Variants in CEP89 observed in about 807,000 individuals in gnomAD.
CEP89 encodes centrosomal protein 89, also known as centrosomal protein of 89 kDa.
Under a neutral mutation model 97.6 loss-of-function variants are expected in CEP89, and 95 were observed. The observed-to-expected ratio is 0.97, with a 90% CI of 0.82 to 1.15. The LOEUF is 1.15. Among genes scored for constraint, CEP89 ranks in the 50% most tolerant of loss-of-function variants. The pLI is 0.00. For synonymous variants in CEP89, 354 were observed against 349.1 expected (o/e 1.01, Z -0.16); for missense variants, 869 against 947.7 (o/e 0.92, Z 1.09).
chr19:32,956,342 C>A (rs796266221), intron 3 of CEP89, among the ~76,000 whole-genome samples: 14 of 151,724 alleles, frequency 9.2e-5, no homozygotes, highest in African/African-American at 2.9e-4. Context: ...GCGTGAGCCA[C>A]CGCACCCGGC....
rs770609431 is a variant in CEP89 at position 32,881,941 on chromosome 19, C to T, written c.2038G>A (p.Ala680Thr). The T allele has an allele frequency of 3.3e-5, 52 of 1,598,884 alleles. No individual in the cohort carries two copies. The highest frequency in any genetic ancestry group is 3.9e-5 in the Non-Finnish European group (46 of 1,173,718). The change falls in exon 18 of 19, where the codon GCC becomes ACC. Residue 680 changes from alanine (A) to threonine (T), a missense_variant. Transcript: ENST00000305768. ...HRLLEQQEDFAGKTAQYRQEM... is the reference protein window; with the variant it reads ...HRLLEQQEDFTGKTAQYRQEM... Reference sequence around the variant, plus strand: ...TGCCGGTACTGGGCTGTCTTGCCGGCGAAGTCCTCCTGCTGCTCCAGCAGA... The same window carrying T: ...TGCCGGTACTGGGCTGTCTTGCCGGTGAAGTCCTCCTGCTGCTCCAGCAGA...
chr19:32,888,570 C>T (rs1969447412), intron 16 of CEP89, among the ~76,000 whole-genome samples: 1 of 151,748 alleles, frequency 6.6e-6, no homozygotes, highest in Admixed American at 6.6e-5. Context: ...GTAGTCTCAG[C>T]TACTCAAGAG....
chr19:32,917,108 G>A (rs1970143383), intron 13 of CEP89, among the ~76,000 whole-genome samples: 2 of 152,154 alleles, frequency 1.3e-5, no homozygotes, highest in Admixed American at 1.3e-4. Context: ...AGGTCAAAAG[G>A]TTTTCCCTGC....
intron 11 of CEP89, among the ~76,000 whole-genome samples, 174 bp from the exon 12 acceptor site, chr19:32,923,716 G>A (rs866715007): frequency 6.6e-6 from 1 of 152,128 alleles, no homozygotes; most frequent in Non-Finnish European, 1.5e-5. Context: ...CTCTCAGGGA[G>A]CTTACGGTCT....
intron 16 of CEP89, among the ~76,000 whole-genome samples, chr19:32,896,683 G>C (rs1226153375): frequency 6.6e-6 from 1 of 151,836 alleles, no homozygotes; most frequent in African/African-American, 2.4e-5. Context: ...GAGACAACCT[G>C]TTGAATGAGA....
chr19:32,900,441 T>A (rs532980614), intron 15 of CEP89, among the ~76,000 whole-genome samples: 7 of 152,004 alleles, frequency 4.6e-5, no homozygotes, highest in African/African-American at 1.7e-4. Context: ...ATATATATTT[T>A]TTTAAGTAGC....
intron 10 of CEP89, 92 bp downstream of exon 10, chr19:32,926,842 A>C (rs1223461814): frequency 3.4e-5 from 37 of 1,100,260 alleles, no homozygotes; most frequent in Non-Finnish European, 4.9e-5. Context: ...GATTACAGAC[A>C]TGAGCCACCG....
intron 12 of CEP89, among the ~76,000 whole-genome samples, chr19:32,920,470 TTTTATTTA>T (rs753390437): frequency 1.3e-5 from 2 of 151,908 alleles, no homozygotes; most frequent in Non-Finnish European, 2.9e-5. Flanking sequence ...TCTTATTTTG[TTTTATTTA>T]TTTATTTATT....
chr19:32,969,174 C>T (rs1033007718), intron 1 of CEP89: 3 of 152,218 alleles, frequency 2.0e-5, no homozygotes, highest in South Asian at 2.1e-4. Context: ...AGCTGGTCAC[C>T]CCACCGTCTC....
At chr19:32,901,961 T>C (rs544879317) in intron 14 of CEP89, among the ~76,000 whole-genome samples, 1 of 150,474 alleles carries the variant, frequency 6.6e-6, no homozygotes, top group Non-Finnish European at 1.5e-5. Context: ...AACCTCTTTT[T>C]CTCCCACAGT....
intron 4 of CEP89, 126 bp from the exon 5 acceptor site, chr19:32,948,494 T>C: frequency 1.8e-6 from 1 of 552,370 alleles, no homozygotes; most frequent in East Asian, 2.8e-5. Context: ...CATGGGCACT[T>C]CAGCTGCTTT....
chr19:32,925,167 TC>T (rs1018445887), intron 11 of CEP89, among the ~76,000 whole-genome samples: 82 of 152,238 alleles, frequency 5.4e-4, no homozygotes, highest in African/African-American at 1.9e-3. Context: ...AACCAACATT[TC>T]TTTCGCTGGA....
At chr19:32,951,866 C>T (rs1262404005) in intron 4 of CEP89, among the ~76,000 whole-genome samples, 3 of 152,132 alleles carry the variant, frequency 2.0e-5, no homozygotes, top group Non-Finnish European at 4.4e-5. Context: ...CACTGTATCT[C>T]TTTCTTCCAA....
intron 3 of CEP89, among the ~76,000 whole-genome samples, chr19:32,959,246 T>C (rs1238951227): frequency 6.6e-6 from 1 of 151,898 alleles, no homozygotes; most frequent in African/African-American, 2.4e-5. Flanking sequence ...CTCTTTCCAC[T>C]GCCACCTGTG....
At position 32,877,185 on chromosome 19, in the gene CEP89, A is replaced by C. The variant is rs1969190556; in HGVS notation, c.*1977T>G. 1.3e-5 allele frequency: 2 copies of C among 152,176 alleles called. No homozygotes were observed. Among genetic ancestry groups the C allele is most frequent in the Non-Finnish European group, 2.9e-5 (2 of 68,036 alleles). The allele number at this position is 152,176 out of a possible 1,614,324, so 9.4% of individuals were successfully genotyped here. A position where few individuals can be genotyped will look rare whatever the true frequency, so the allele number is the denominator to read the frequency against. ...CGCTTGTAAAATAAAATTAAATTAC[A>C]ATGATTCAACTGTTGAACAAGCTTA... is the stretch of plus-strand genomic sequence containing the variant. On this transcript the variant is annotated 3_prime_UTR_variant, in exon 19 of 19. Transcript: ENST00000305768.
At chr19:32,883,385 G>A (rs1390884645) in intron 17 of CEP89, among the ~76,000 whole-genome samples, 1 of 151,170 alleles carries the variant, frequency 6.6e-6, no homozygotes, top group Non-Finnish European at 1.5e-5. Flanking sequence ...CGGGTGCGGT[G>A]GCTCACGCCT....
At chr19:32,918,155 G>C (rs2278403) in intron 13 of CEP89, 69 bp downstream of exon 13, 350,365 of 1,283,002 alleles carry the variant, frequency 0.27, 51,613 homozygotes, top group East Asian at 0.58. Context: ...CCCGGCAGGA[G>C]AGAGATAGAA....
rs1333760517 is a variant in CEP89, at chr19:32,920,413, CA to C, written c.1269-2075del. Among the ~76,000 whole-genome samples, 8 of 152,230 alleles carry C rather than the reference CA, an allele frequency of 5.3e-5. No individual in the cohort carries two copies. The East Asian group carries it at 1.5e-3, about 29-fold the overall frequency. On this transcript the variant is annotated intron_variant, in intron 12 of 18. Coordinates refer to ENST00000305768, the MANE Select transcript of CEP89 (RefSeq NM_032816.5). ...TTTAAAATGAAAGGGATCAATCCCC[CA>C]TTCCTAAAAAAGAGTTCAAAATCTC... is the stretch of plus-strand genomic sequence containing the variant.
At chr19:32,916,670 G>A (rs181457379) in intron 13 of CEP89, among the ~76,000 whole-genome samples, 63 of 152,276 alleles carry the variant, frequency 4.1e-4, no homozygotes, top group African/African-American at 1.3e-3. Context: ...AGCACTTAGA[G>A]GTATTTATTA....
Sources: gnomAD v4.1 joint callset for allele counts (sites outside exome capture counted in the v4.1 genomes callset) on GRCh38, gnomAD v4.1.1 for gene constraint, MANE v1.5 for transcripts, NCBI Gene and HGNC (gene_info 2026-07-23, HGNC 2026-07-21) for gene names.